Variants in PDZRN4 observed in about 807,000 individuals in gnomAD.
PDZRN4 encodes PDZ domain containing ring finger 4.
PDZRN4 carries 70 observed loss-of-function variants against 99.0 expected under a neutral mutation model. The ratio of observed to expected loss-of-function variants is 0.71; its 90% CI spans 0.58 to 0.86. The LOEUF is 0.86. Ranked by LOEUF, PDZRN4 falls within the 40% of genes least tolerant of loss-of-function variation. PDZRN4 has a pLI of 0.00. For synonymous variants in PDZRN4, 551 were observed against 501.6 expected, an observed-to-expected ratio of 1.10 and a Z score of -1.32; for missense variants, 1,474 against 1,331.2, an observed-to-expected ratio of 1.11 and a Z score of -1.67.
chr12:41,393,611 G>C (rs933722080), intron 3 of PDZRN4, among the ~76,000 whole-genome samples: 14 of 152,146 alleles, frequency 9.2e-5, no homozygotes, highest in African/African-American at 3.1e-4. Flanking sequence ...TTGTATAACA[G>C]GTTCTCAACA....
intron 3 of PDZRN4, among the ~76,000 whole-genome samples, chr12:41,318,396 A>G (rs1332533971): frequency 6.6e-6 from 1 of 152,210 alleles, no homozygotes; most frequent in Non-Finnish European, 1.5e-5. Context: ...GTGTTTAGAA[A>G]TGATGCATGC....
intron 3 of PDZRN4, among the ~76,000 whole-genome samples, chr12:41,386,956 A>C (rs2199030): frequency 0.37 from 55,914 of 152,046 alleles, 10,777 homozygotes; most frequent in South Asian, 0.49. Context: ...CTTCTGTACA[A>C]CACTTACAAA....
In PDZRN4 at chr12:41,567,863, T is replaced by C. The variant is rs766125649; in HGVS notation, c.1548T>C (p.Asn516=). The change falls in exon 9 of 10, where the codon AAT becomes AAC. Residue 516 remains asparagine, a synonymous_variant. Coordinates refer to ENST00000402685, the MANE Select transcript of PDZRN4 (RefSeq NM_001164595.2). ...LNLEMLEEEH[N]EAMQPTANEV... Reference sequence around the variant, plus strand: ...TGGAGATGTTGGAAGAAGAGCATAATGAAGCAATGCAGCCCACTGCCAATG... The same window carrying C: ...TGGAGATGTTGGAAGAAGAGCATAACGAAGCAATGCAGCCCACTGCCAATG... 7.3e-5 allele frequency: 118 copies of C among 1,613,104 alleles called. No homozygotes were observed. The highest frequency in any genetic ancestry group is 9.8e-5 in the Non-Finnish European group (115 of 1,179,300).
At chr12:41,268,193 C>T (rs919633563) in intron 3 of PDZRN4, among the ~76,000 whole-genome samples, 7 of 152,112 alleles carry the variant, frequency 4.6e-5, no homozygotes, top group Non-Finnish European at 7.4e-5. Context: ...TTTAAATCCC[C>T]AAACACCCCT....
chr12:41,316,931 G>C (rs1951642039), intron 3 of PDZRN4, among the ~76,000 whole-genome samples: 1 of 151,356 alleles, frequency 6.6e-6, no homozygotes, highest in African/African-American at 2.4e-5. Flanking sequence ...AGGTACAGCA[G>C]CTTGCCTTGT....
chr12:41,364,567 T>G (rs976509040), intron 3 of PDZRN4, among the ~76,000 whole-genome samples: 23 of 152,134 alleles, frequency 1.5e-4, no homozygotes, highest in African/African-American at 4.3e-4. Flanking sequence ...AATTTAGAAT[T>G]GATTTTTGAG....
At chr12:41,254,660 A>C (rs544513910) in intron 3 of PDZRN4, among the ~76,000 whole-genome samples, 10 of 152,236 alleles carry the variant, frequency 6.6e-5, no homozygotes, top group Non-Finnish European at 1.3e-4. Flanking sequence ...TGCAGTCCCA[A>C]GTCTGAAGAT....
At chr12:41,240,565 A>C (rs1318753112) in intron 3 of PDZRN4, among the ~76,000 whole-genome samples, 2 of 152,210 alleles carry the variant, frequency 1.3e-5, no homozygotes, top group Non-Finnish European at 2.9e-5. Context: ...AATGACTCAA[A>C]TAGTCTGTTC....
intron 3 of PDZRN4, among the ~76,000 whole-genome samples, chr12:41,333,363 C>G (rs967639805): frequency 6.6e-6 from 1 of 152,134 alleles, no homozygotes; most frequent in Non-Finnish European, 1.5e-5. Context: ...CCACCCCCAA[C>G]TTGAACCTGG....
intron 3 of PDZRN4, among the ~76,000 whole-genome samples, chr12:41,478,279 C>T (rs1937623210): frequency 6.6e-6 from 1 of 151,998 alleles, no homozygotes; most frequent in Non-Finnish European, 1.5e-5. Context: ...CCATATCTAG[C>T]TAATTTTTGT....
intron 3 of PDZRN4, among the ~76,000 whole-genome samples, chr12:41,422,900 G>A (rs923162431): frequency 6.6e-6 from 1 of 152,006 alleles, no homozygotes; most frequent in Non-Finnish European, 1.5e-5. Context: ...TGTCAATATG[G>A]CATTTATCCA....
chr12:41,573,953 A>T lies in PDZRN4; in HGVS notation c.*63A>T. ...ATGCTACCAGTTTCGGTAGAGTATG[A>T]TTGCCTCGTTCAATGTGGCGTTTTT... On this transcript the variant is annotated 3_prime_UTR_variant, in exon 10 of 10. Coordinates refer to ENST00000402685, the MANE Select transcript of PDZRN4 (RefSeq NM_001164595.2). The T allele has an allele frequency of 1.7e-6, 2 of 1,192,224 alleles. No homozygotes were observed. Among genetic ancestry groups the T allele is most frequent in the African/African-American group, 3.0e-5 (2 of 65,968 alleles). 73.9% of individuals were successfully genotyped at this position (1,192,224 alleles called of 1,614,324 possible).
chr12:41,291,483 T>TA (rs1360036159), intron 3 of PDZRN4, among the ~76,000 whole-genome samples: 1 of 152,166 alleles, frequency 6.6e-6, no homozygotes. Flanking sequence ...AAATTGGGAA[T>TA]AATGACTTTC....
intron 3 of PDZRN4, among the ~76,000 whole-genome samples, chr12:41,397,647 C>T (rs1312798128): frequency 6.6e-6 from 1 of 152,018 alleles, no homozygotes; most frequent in Non-Finnish European, 1.5e-5. Context: ...TGGGAAAAAT[C>T]CAGAGAAATT....
chr12:41,332,809 A>G (rs1331013034), intron 3 of PDZRN4, among the ~76,000 whole-genome samples: 2 of 151,770 alleles, frequency 1.3e-5, no homozygotes, highest in African/African-American at 4.8e-5. Flanking sequence ...CATAACAAAA[A>G]CAGTTTCTCC....
At chr12:41,234,031 G>A (rs1951048939) in intron 3 of PDZRN4, among the ~76,000 whole-genome samples, 1 of 151,682 alleles carries the variant, frequency 6.6e-6, no homozygotes, top group Non-Finnish European at 1.5e-5. Context: ...AGCAATATTG[G>A]CCCTTTGAGG....
At chr12:41,332,119 T>C (rs139374206) in intron 3 of PDZRN4, among the ~76,000 whole-genome samples, 32 of 152,252 alleles carry the variant, frequency 2.1e-4, no homozygotes, top group African/African-American at 7.7e-4. Context: ...TATAAGGTCA[T>C]GAAGTGAAAA....
intron 5 of PDZRN4, among the ~76,000 whole-genome samples, chr12:41,515,922 G>A (rs982808318): frequency 6.6e-6 from 1 of 151,826 alleles, no homozygotes; most frequent in African/African-American, 2.4e-5. Flanking sequence ...GGCATTGAGG[G>A]TCCTTGGAAC....
intron 3 of PDZRN4, among the ~76,000 whole-genome samples, chr12:41,339,485 G>A (rs548166154): frequency 6.6e-6 from 1 of 152,146 alleles, no homozygotes; most frequent in African/African-American, 2.4e-5. Flanking sequence ...AGAAAACATT[G>A]GAGAATCTCT....
Sources: allele counts gnomAD v4.1 joint callset (sites outside exome capture counted in the v4.1 genomes callset), GRCh38; gene constraint gnomAD v4.1.1; transcripts MANE v1.5; gene names NCBI Gene and HGNC (gene_info 2026-07-23, HGNC 2026-07-21).